The following UQCC1 variants were observed in gnomAD, a reference collection of about 807,000 sequenced individuals.
UQCC1 encodes the protein bFGF-repressed Zic-binding protein.
UQCC1 carries 38 observed loss-of-function variants against 48.0 expected under a neutral mutation model. The ratio of observed to expected loss-of-function variants is 0.79; its 90% CI spans 0.61 to 1.04. UQCC1 has a LOEUF of 1.04. UQCC1 is among the 50% of genes least tolerant of loss of function. The pLI is 0.00. For synonymous variants in UQCC1, 111 were observed against 129.2 expected (o/e 0.86, Z 0.95); for missense variants, 368 against 381.8 (o/e 0.96, Z 0.30).
At chr20:35,382,512 C>CTTTTT (rs1162371421) in intron 3 of UQCC1, among the ~76,000 whole-genome samples, 9 of 108,282 alleles carry the variant, frequency 8.3e-5, no homozygotes, top group African/African-American at 2.0e-4. Flanking sequence ...TTTCTTTTTT[C>CTTTTT]TTTTTTTTTT....
intron 8 of UQCC1, among the ~76,000 whole-genome samples, chr20:35,310,693 A>AT (rs369142415): frequency 0.32 from 32,280 of 100,666 alleles, 6,207 homozygotes; most frequent in African/African-American, 0.41. Context: ...AAAGCTGCAG[A>AT]TTTTTTTTTT....
At chr20:35,364,408 T>C (rs550695317) in intron 6 of UQCC1, among the ~76,000 whole-genome samples, 46 of 152,322 alleles carry the variant, frequency 3.0e-4, no homozygotes, top group African/African-American at 1.0e-3. Context: ...CTTACATTTC[T>C]TGAAGATACA....
At chr20:35,398,412 T>C (rs1420207911) in intron 1 of UQCC1, among the ~76,000 whole-genome samples, 2 of 152,202 alleles carry the variant, frequency 1.3e-5, no homozygotes, top group Non-Finnish European at 1.5e-5. Flanking sequence ...TTAAGTTGAA[T>C]CTGAATCTCC....
At chr20:35,362,739 T>G (rs2061620528) in intron 6 of UQCC1, among the ~76,000 whole-genome samples, 1 of 152,042 alleles carries the variant, frequency 6.6e-6, no homozygotes, top group South Asian at 2.1e-4. Context: ...TGTCTGTTTG[T>G]GTACTGACCC....
At position 35,342,798 on chromosome 20, in the gene UQCC1, G is replaced by GT. The variant is rs1277962782; in HGVS notation, c.573+4365dup. ...TTTATAAGTTTAAATCCCAAATAAT[G>GT]TTTTTTTAAGTCAGAACACTCTAAA... On this transcript the variant is annotated intron_variant, in intron 7 of 9. Coordinates refer to ENST00000374385, the MANE Select transcript of UQCC1 (RefSeq NM_018244.5). Among the ~76,000 whole-genome samples the GT allele has an allele frequency of 7.2e-5, 11 of 152,234 alleles. No individual in the cohort carries two copies. The South Asian group carries it at 1.7e-3, about 23-fold the overall frequency.
chr20:35,411,029 A>G (rs945678560), intron 1 of UQCC1, among the ~76,000 whole-genome samples: 4 of 152,186 alleles, frequency 2.6e-5, no homozygotes, highest in African/African-American at 7.2e-5. Context: ...CAAATGTAAA[A>G]TAACAATTCA....
At chr20:35,333,581 G>C (rs56701397) in intron 7 of UQCC1, among the ~76,000 whole-genome samples, 13,012 of 152,124 alleles carry the variant, frequency 0.086, 739 homozygotes, top group South Asian at 0.22. Context: ...AAATACACGA[G>C]TGACTGTGTA....
chr20:35,319,820 T>C (rs1239132842), intron 7 of UQCC1, among the ~76,000 whole-genome samples: 1 of 152,212 alleles, frequency 6.6e-6, no homozygotes, highest in East Asian at 1.9e-4. Flanking sequence ...CCAGTTCATT[T>C]GAGGCCAATT....
Position 35,352,941 on chromosome 20 carries a change from A to C in UQCC1, c.465-5669T>G, listed in dbSNP as rs575616384. Among the ~76,000 whole-genome samples the C allele has an allele frequency of 5.9e-5, 9 of 152,280 alleles. No homozygotes were observed. The South Asian group carries it at 1.9e-3, about 32-fold the overall frequency. On this transcript the variant is annotated intron_variant, in intron 6 of 9. Transcript: ENST00000374385. ...CTCAAGTGATCTACCTTGGCCTCCCAAAGTGCTAAGATACAGGCACGAGCC... is the reference window on the plus strand; with the variant it reads ...CTCAAGTGATCTACCTTGGCCTCCCCAAGTGCTAAGATACAGGCACGAGCC...
At chr20:35,403,672 C>T (rs1002333995) in intron 1 of UQCC1, among the ~76,000 whole-genome samples, 2 of 152,140 alleles carry the variant, frequency 1.3e-5, no homozygotes, top group African/African-American at 4.8e-5. Flanking sequence ...AAATGCCCAA[C>T]AATGATAGAC....
Position 35,352,313 on chromosome 20 carries a change from A to T in UQCC1, c.465-5041T>A, listed in dbSNP as rs530299711. On this transcript the variant is annotated intron_variant, in intron 6 of 9. Transcript: ENST00000374385. ...CAGGGTATAGGATGCAGAAAACTGA[A>T]GCCAGAAAGGTCATGAAGAGCTTTG... Among the ~76,000 whole-genome samples, 6 of 152,352 alleles carry T rather than the reference A, an allele frequency of 3.9e-5. No individual in the cohort carries two copies. In the South Asian group the frequency reaches 1.0e-3, roughly 26 times the overall value.
chr20:35,371,713 A>C (rs945499303), intron 5 of UQCC1, among the ~76,000 whole-genome samples: 20 of 151,190 alleles, frequency 1.3e-4, no homozygotes, highest in African/African-American at 3.6e-4. Flanking sequence ...AAAAAAAAAA[A>C]AAAAAAAACA....
At position 35,410,722 on chromosome 20, in the gene UQCC1, AAAC is replaced by A. The variant is rs1327932022; in HGVS notation, c.24+1215_24+1217del. Among the ~76,000 whole-genome samples, 128 of 127,288 alleles carry A rather than the reference AAAC, an allele frequency of 1.0e-3. 16 individuals are homozygous for A. Among genetic ancestry groups the A allele is most frequent in the African/African-American group, 3.8e-3 (121 of 31,706 alleles). The allele number at this position is 127,288 out of a possible 152,430, so 83.5% of individuals were successfully genotyped here. A position where few individuals can be genotyped will look rare whatever the true frequency, so the allele number is the denominator to read the frequency against. ...TCTGCCTCAAAAAAAAAAAAAAAAA[AAAC>A]AAAACCCTAAAGGGTGGCAGGGGAA... On this transcript the variant is annotated intron_variant, in intron 1 of 9. Coordinates refer to ENST00000374385, the MANE Select transcript of UQCC1 (RefSeq NM_018244.5).
intron 4 of UQCC1, among the ~76,000 whole-genome samples, chr20:35,380,390 T>C (rs2061851764): frequency 6.6e-6 from 1 of 152,216 alleles, no homozygotes; most frequent in African/African-American, 2.4e-5. Context: ...GTGTTCTTTC[T>C]ATATTTTTTC....
intron 1 of UQCC1, among the ~76,000 whole-genome samples, chr20:35,396,671 T>C (rs2062083484): frequency 6.6e-6 from 1 of 152,178 alleles, no homozygotes; most frequent in Admixed American, 6.5e-5. Context: ...AAAACTGAGA[T>C]TCACGTTTTC....
chr20:35,349,380 T>A (rs2061466047), intron 6 of UQCC1, among the ~76,000 whole-genome samples: 1 of 152,210 alleles, frequency 6.6e-6, no homozygotes, highest in African/African-American at 2.4e-5. Context: ...AGATAAGTCA[T>A]GCCTACCTAT....
chr20:35,335,864 TGGAGAAGCTA>T (rs1208496922), intron 7 of UQCC1, among the ~76,000 whole-genome samples: 1 of 152,178 alleles, frequency 6.6e-6, no homozygotes, highest in Non-Finnish European at 1.5e-5. Flanking sequence ...GCTAACTAAC[TGGAGAAGCTA>T]GGACCAACAT....
intron 1 of UQCC1, among the ~76,000 whole-genome samples, chr20:35,405,287 T>C (rs2062235037): frequency 6.6e-6 from 1 of 152,130 alleles, no homozygotes; most frequent in African/African-American, 2.4e-5. Context: ...GAGACTTCAG[T>C]AGCCACAAAC....
At chr20:35,340,001 T>G (rs573004526) in intron 7 of UQCC1, among the ~76,000 whole-genome samples, 1 of 152,172 alleles carries the variant, frequency 6.6e-6, no homozygotes, top group Non-Finnish European at 1.5e-5. Flanking sequence ...CGTTCTCCTA[T>G]GTAACTACAA....
Sources: allele counts gnomAD v4.1 joint callset (sites outside exome capture counted in the v4.1 genomes callset), GRCh38; gene constraint gnomAD v4.1.1; transcripts MANE v1.5; gene names NCBI Gene and HGNC (gene_info 2026-07-23, HGNC 2026-07-21).